CLYBL: variants seen among roughly 807,000 people sequenced by gnomAD.
The protein encoded by CLYBL is citramalyl-CoA lyase.
Under a neutral mutation model 38.9 loss-of-function variants are expected in CLYBL, and 31 were observed. That is an observed-to-expected ratio of 0.80 (90% CI 0.60 to 1.08). The LOEUF (loss-of-function observed/expected upper bound fraction) is 1.08, where lower values mean the gene tolerates loss of function less well. Ranked by LOEUF, CLYBL falls within the 50% of genes least tolerant of loss-of-function variation. The pLI is 0.00. For missense variants in CLYBL, 434 were observed against 411.6 expected (o/e 1.05, Z -0.47); for synonymous variants, 171 against 158.6 (o/e 1.08, Z -0.59).
intron 1 of CLYBL, among the ~76,000 whole-genome samples, chr13:99,636,876 G>T (rs186499378): frequency 8.6e-4 from 131 of 152,004 alleles, no homozygotes; most frequent in Non-Finnish European, 1.2e-3. Flanking sequence ...GTGTGGTTGC[G>T]GTCTAATTTA....
rs1375823836 is a variant in CLYBL at position 99,663,984 on chromosome 13, A to C, written c.62+57227A>C. 2.0e-5 allele frequency among the ~76,000 whole-genome samples: 3 copies of C among 152,386 alleles called. No individual in the cohort carries two copies. The East Asian group carries it at 5.8e-4, about 29-fold the overall frequency. ...AATGTTTCTCCTTAAGAACTTTGTA[A>C]ATAGCATTTATCTTTCAAGAGTTCT... is the stretch of plus-strand genomic sequence containing the variant. On this transcript the variant is annotated intron_variant, in intron 1 of 8. Coordinates refer to ENST00000339105, the MANE Select transcript of CLYBL (RefSeq NM_206808.5).
intron 1 of CLYBL, among the ~76,000 whole-genome samples, chr13:99,755,931 C>G (rs1366268927): frequency 1.3e-5 from 2 of 152,224 alleles, no homozygotes; most frequent in Non-Finnish European, 2.9e-5. Flanking sequence ...GACTTCACTT[C>G]AAATCCCCCA....
intron 7 of CLYBL, among the ~76,000 whole-genome samples, chr13:99,888,821 T>C (rs1450824800): frequency 2.0e-5 from 3 of 152,150 alleles, no homozygotes; most frequent in African/African-American, 7.2e-5. Flanking sequence ...TCCAAGTAGC[T>C]TTTTGATGAA....
At chr13:99,672,779 A>G (rs766415703) in intron 1 of CLYBL, among the ~76,000 whole-genome samples, 24 of 152,116 alleles carry the variant, frequency 1.6e-4, no homozygotes, top group Non-Finnish European at 2.6e-4. Flanking sequence ...CAAAAAATAT[A>G]TATTAAACAG....
chr13:99,620,236 C>T (rs941038373), intron 1 of CLYBL, among the ~76,000 whole-genome samples: 1 of 152,224 alleles, frequency 6.6e-6, no homozygotes, highest in African/African-American at 2.4e-5. Context: ...CTGATTTTGA[C>T]TCAGAAGTGG....
chr13:99,777,481 C>T (rs909643609), intron 2 of CLYBL, among the ~76,000 whole-genome samples: 1 of 119,288 alleles, frequency 8.4e-6, no homozygotes, highest in Admixed American at 8.6e-5. Flanking sequence ...TTCTTTCTTC[C>T]TTTTCTTTTC....
chr13:99,843,604 C>CTTT (rs60365803), intron 2 of CLYBL, among the ~76,000 whole-genome samples: 5,670 of 142,802 alleles, frequency 0.04, 279 homozygotes, highest in African/African-American at 0.088. Context: ...AAAAATTAAT[C>CTTT]TTTTTTTTTT....
At chr13:99,733,890 C>T (rs962900329) in intron 1 of CLYBL, among the ~76,000 whole-genome samples, 9 of 152,194 alleles carry the variant, frequency 5.9e-5, no homozygotes, top group African/African-American at 2.2e-4. Context: ...GTGACTGCAG[C>T]GTAACCCCAA....
At chr13:99,734,602 A>G (rs981331479) in intron 1 of CLYBL, among the ~76,000 whole-genome samples, 1 of 152,212 alleles carries the variant, frequency 6.6e-6, no homozygotes, top group African/African-American at 2.4e-5. Flanking sequence ...TTGATAGTCG[A>G]GGCCTTCAGT....
intron 2 of CLYBL, among the ~76,000 whole-genome samples, chr13:99,816,724 A>G (rs2050456024): frequency 6.6e-6 from 1 of 152,106 alleles, no homozygotes; most frequent in Non-Finnish European, 1.5e-5. Flanking sequence ...CTCACCAAAC[A>G]CCGAATTTGC....
At chr13:99,907,520 T>G (rs1211182834) in intron 9 of CLYBL, among the ~76,000 whole-genome samples, 1 of 152,218 alleles carries the variant, frequency 6.6e-6, no homozygotes, top group African/African-American at 2.4e-5. Flanking sequence ...TATTTTTTCT[T>G]CTTTTTACAT....
At chr13:99,756,758 C>T (rs936666861) in intron 1 of CLYBL, among the ~76,000 whole-genome samples, 2 of 152,152 alleles carry the variant, frequency 1.3e-5, no homozygotes, top group African/African-American at 2.4e-5. Flanking sequence ...TCAGGCAAAG[C>T]AGAGATCCTT....
In CLYBL at chr13:99,906,842, T is replaced by C. The variant is rs567210426; in HGVS notation, c.*161-1213T>C. Among the ~76,000 whole-genome samples, 28 of 152,312 alleles carry C rather than the reference T, an allele frequency of 1.8e-4. No individual in the cohort carries two copies. The South Asian group carries it at 3.1e-3, about 17-fold the overall frequency. The stretch of plus-strand genomic sequence containing the variant: ...TTCTTGAGGATTAAGAAAGAATTAA[T>C]CCCTCCAAGGATGGGCAGCCCCACA... On this transcript the variant is annotated intron_variant and NMD_transcript_variant, in intron 9 of 9. Transcript: ENST00000689673.
intron 1 of CLYBL, among the ~76,000 whole-genome samples, chr13:99,754,254 A>G (rs1193718872): frequency 2.0e-5 from 3 of 151,592 alleles, no homozygotes; most frequent in Non-Finnish European, 4.4e-5. Flanking sequence ...TACAAAAAGT[A>G]CAAAATTTAG....
intron 1 of CLYBL, among the ~76,000 whole-genome samples, chr13:99,661,699 G>A (rs2047411768): frequency 1.3e-5 from 2 of 152,098 alleles, no homozygotes; most frequent in Admixed American, 1.3e-4. Flanking sequence ...TAGTCTTACT[G>A]TTTTAAGGAT....
At chr13:99,751,047 C>T (rs1389762426) in intron 1 of CLYBL, among the ~76,000 whole-genome samples, 1 of 152,170 alleles carries the variant, frequency 6.6e-6, no homozygotes, top group Admixed American at 6.5e-5. Context: ...CGTATTTGTA[C>T]AGCCATGTTC....
intron 7 of CLYBL, among the ~76,000 whole-genome samples, chr13:99,883,326 C>G (rs926582061): frequency 3.3e-5 from 5 of 152,078 alleles, no homozygotes; most frequent in African/African-American, 1.2e-4. Flanking sequence ...GAAGACCAGC[C>G]TGGCCAACAT....
chr13:99,840,762 AAAAAAAAAAAAAAAAAAAG>A (rs1267980883), intron 2 of CLYBL, among the ~76,000 whole-genome samples: 3 of 146,828 alleles, frequency 2.0e-5, no homozygotes, highest in Non-Finnish European at 4.5e-5. Context: ...AAAAAAAAAA[AAAAAAAAAAAAAAAAAAAG>A]GGTTACATAT....
chr13:99,705,099 T>C (rs181575331), intron 1 of CLYBL, among the ~76,000 whole-genome samples: 164 of 152,322 alleles, frequency 1.1e-3, no homozygotes, highest in African/African-American at 3.6e-3. Flanking sequence ...CGAAAAGTGT[T>C]CAAAGCAGGG....
Sources: allele counts gnomAD v4.1 joint callset (sites outside exome capture counted in the v4.1 genomes callset), GRCh38; gene constraint gnomAD v4.1.1; transcripts MANE v1.5; gene names NCBI Gene and HGNC (gene_info 2026-07-23, HGNC 2026-07-21).